FCHO2: variants seen among roughly 807,000 people sequenced by gnomAD.
FCHO2 encodes the protein F-BAR domain only protein 2.
Under a neutral mutation model 114.1 loss-of-function variants are expected in FCHO2, and 43 were observed. That is an observed-to-expected ratio of 0.38 (90% CI 0.30 to 0.49). The LOEUF (loss-of-function observed/expected upper bound fraction) is 0.49, where lower values mean the gene tolerates loss of function less well. Ranked by LOEUF, FCHO2 falls within the 20% of genes least tolerant of loss-of-function variation. The pLI is 0.97. For synonymous variants in FCHO2, 293 were observed against 315.2 expected (o/e 0.93, Z 0.75); for missense variants, 807 against 950.4 (o/e 0.85, Z 1.98).
chr5:72,989,767 C>T (rs1753726458), intron 3 of FCHO2, among the ~76,000 whole-genome samples: 1 of 152,034 alleles, frequency 6.6e-6, no homozygotes, highest in Non-Finnish European at 1.5e-5. Flanking sequence ...TAAATGTTAT[C>T]TTATGCACAT....
Position 72,970,149 on chromosome 5 carries a change from A to G in FCHO2, c.125+1560A>G, listed in dbSNP as rs184449555. Among the ~76,000 whole-genome samples the G allele has an allele frequency of 3.9e-5, 6 of 152,322 alleles. No individual in the cohort carries two copies. The East Asian group carries it at 1.2e-3, about 29-fold the overall frequency. On this transcript the variant is annotated intron_variant, in intron 2 of 25. Transcript: ENST00000430046. ...GATCAGTTGTTACCTCTTCTCTTTC[A>G]GCCATCTCAAGGGCTTCCCATTGCT...
intron 19 of FCHO2, among the ~76,000 whole-genome samples, chr5:73,072,635 A>G (rs1420370546): frequency 6.6e-6 from 1 of 152,106 alleles, no homozygotes; most frequent in East Asian, 1.9e-4. Flanking sequence ...ACATTGTGCT[A>G]AGTTAAATAC....
chr5:72,990,419 G>T, intron 3 of FCHO2, 59 bp from the exon 4 acceptor site: 1 of 1,338,992 alleles, frequency 7.5e-7, no homozygotes, highest in South Asian at 1.5e-5. Context: ...TTCCTTGTTA[G>T]AACCTTAATT....
chr5:72,993,907 T>A (rs1753941462), intron 5 of FCHO2, among the ~76,000 whole-genome samples: 1 of 152,208 alleles, frequency 6.6e-6, no homozygotes, highest in African/African-American at 2.4e-5. Context: ...ATTCAATAAA[T>A]GGTTCTGGGA....
chr5:73,088,707 T>C lies in FCHO2; in HGVS notation c.*617T>C, dbSNP rs1423013685. The C allele has an allele frequency of 6.6e-6, 1 of 152,656 alleles. No homozygotes were observed. The highest frequency in any genetic ancestry group is 1.5e-5 in the Non-Finnish European group (1 of 68,042). 9.5% of individuals were successfully genotyped at this position (152,656 alleles called of 1,614,324 possible). On this transcript the variant is annotated 3_prime_UTR_variant, in exon 26 of 26. Coordinates refer to ENST00000430046, the MANE Select transcript of FCHO2 (RefSeq NM_138782.3). The stretch of plus-strand genomic sequence containing the variant: ...ATGATTTTTAAAAAAAATTCTCAAG[T>C]GCAATGTGTTTTAAAATAAGCTTGC...
At chr5:73,077,225 CAT>C (rs1742941825) in intron 20 of FCHO2, 111 bp from the exon 21 acceptor site, 1 of 823,680 alleles carries the variant, frequency 1.2e-6, no homozygotes, top group South Asian at 2.2e-5. Context: ...GATATACACA[CAT>C]ATAGGTGCGT....
At chr5:72,982,069 C>T (rs994156023) in intron 2 of FCHO2, among the ~76,000 whole-genome samples, 2 of 152,240 alleles carry the variant, frequency 1.3e-5, no homozygotes, top group Admixed American at 6.5e-5. Flanking sequence ...TCCTGGTCTG[C>T]GGGTTGCAAA....
intron 6 of FCHO2, among the ~76,000 whole-genome samples, chr5:73,010,875 CAAAAAAAAAAAA>C (rs57820498): frequency 5.8e-4 from 15 of 25,754 alleles, no homozygotes; most frequent in Middle Eastern, 0.031. Flanking sequence ...GACTCTGTCT[CAAAAAAAAAAAA>C]AAAAAAAAAA....
chr5:72,975,470 C>T (rs2112624783), intron 2 of FCHO2, among the ~76,000 whole-genome samples: 1 of 151,866 alleles, frequency 6.6e-6, no homozygotes, highest in Admixed American at 6.6e-5. Flanking sequence ...GGGATTATAG[C>T]CCTGCGCCAT....
intron 8 of FCHO2, among the ~76,000 whole-genome samples, chr5:73,019,605 T>C (rs1755498535): frequency 6.6e-6 from 1 of 152,204 alleles, no homozygotes; most frequent in Admixed American, 6.5e-5. Flanking sequence ...TTAAATGTTT[T>C]GGACTGGGAT....
chr5:73,029,420 A>G (rs1374542357), intron 8 of FCHO2, among the ~76,000 whole-genome samples: 3 of 152,214 alleles, frequency 2.0e-5, no homozygotes, highest in Non-Finnish European at 4.4e-5. Flanking sequence ...GTGGAGAACT[A>G]GATAAAATTT....
chr5:73,002,874 TG>T, intron 5 of FCHO2, among the ~76,000 whole-genome samples: 3 of 152,316 alleles, frequency 2.0e-5, no homozygotes, highest in African/African-American at 7.2e-5. Context: ...TGAGAAGGTG[TG>T]GTATCTTATT....
intron 5 of FCHO2, chr5:72,997,028 C>A: frequency 6.9e-7 from 1 of 1,453,272 alleles, no homozygotes; most frequent in Non-Finnish European, 9.6e-7. Flanking sequence ...GGTAATTCAG[C>A]ACCAAACTGT....
intron 9 of FCHO2, among the ~76,000 whole-genome samples, chr5:73,036,791 G>A (rs962868422): frequency 1.1e-4 from 16 of 151,958 alleles, no homozygotes; most frequent in African/African-American, 3.9e-4. Context: ...ATTATTTGAC[G>A]TTTATAACAA....
intron 2 of FCHO2, among the ~76,000 whole-genome samples, chr5:72,983,559 T>C (rs1432652076): frequency 1.4e-5 from 2 of 147,684 alleles, no homozygotes; most frequent in Non-Finnish European, 3.0e-5. Context: ...TTTTTTTTTT[T>C]TTTTTTTTTT....
chr5:72,975,640 G>C (rs1752824594), intron 2 of FCHO2, among the ~76,000 whole-genome samples: 1 of 152,112 alleles, frequency 6.6e-6, no homozygotes, highest in Non-Finnish European at 1.5e-5. Context: ...GAGTAGCTGG[G>C]ACCACAGGCA....
chr5:72,997,140 A>G lies in FCHO2; in HGVS notation c.495+6276A>G, dbSNP rs1396506567. 3 of 1,124,808 alleles carry G rather than the reference A, an allele frequency of 2.7e-6. No homozygotes were observed. In the South Asian group the frequency reaches 3.7e-5, roughly 14 times the overall value. The allele number at this position is 1,124,808 out of a possible 1,614,324, so 69.7% of individuals were successfully genotyped here. A position where few individuals can be genotyped will look rare whatever the true frequency, so the allele number is the denominator to read the frequency against. On this transcript the variant is annotated intron_variant, in intron 5 of 25. Transcript: ENST00000430046. ...GATGAGATACTTATTCACTCCCACC[A>G]TGATGGGGTCCTGAGGCTCACAGTC...
chr5:73,065,471 C>A (rs1758019825), intron 18 of FCHO2, among the ~76,000 whole-genome samples: 1 of 151,946 alleles, frequency 6.6e-6, no homozygotes, highest in African/African-American at 2.4e-5. Flanking sequence ...GTTAAAAGTA[C>A]AAGCTTATTA....
chr5:73,005,838 T>C (rs1342137232), intron 5 of FCHO2, among the ~76,000 whole-genome samples: 1 of 152,214 alleles, frequency 6.6e-6, no homozygotes, highest in Non-Finnish European at 1.5e-5. Flanking sequence ...TATACTATTA[T>C]GGTAACAGTT....
Sources: gnomAD v4.1 joint callset for allele counts (sites outside exome capture counted in the v4.1 genomes callset) on GRCh38, gnomAD v4.1.1 for gene constraint, MANE v1.5 for transcripts, NCBI Gene and HGNC (gene_info 2026-07-23, HGNC 2026-07-21) for gene names.